The following DYNC1I1 variants were observed in gnomAD, a reference collection of about 807,000 sequenced individuals.
DYNC1I1 encodes dynein cytoplasmic 1 intermediate chain 1, also known as cytoplasmic dynein 1 intermediate chain 1.
A neutral mutation model predicts 86.6 loss-of-function variants in DYNC1I1; 43 were observed. That is an observed-to-expected ratio of 0.50 (90% confidence interval 0.39 to 0.64). The LOEUF (loss-of-function observed/expected upper bound fraction) is 0.64, where lower values mean the gene tolerates loss of function less well. DYNC1I1 is among the 30% of genes least tolerant of loss of function. The probability of loss-of-function intolerance (pLI) is 0.00; values close to 1 mark genes in which losing one functional copy is unlikely to be tolerated. For missense variants in DYNC1I1, 604 were observed against 788.8 expected, an observed-to-expected ratio of 0.77 and a Z score of 2.81; for synonymous variants, 262 against 283.7, an observed-to-expected ratio of 0.92 and a Z score of 0.77.
At chr7:95,936,954 T>TCACACACACACACACACACACACACA (rs1491214381) in intron 6 of DYNC1I1, among the ~76,000 whole-genome samples, 4 of 32,502 alleles carry the variant, frequency 1.2e-4, no homozygotes, top group Admixed American at 4.0e-4. Flanking sequence ...AAAGAATATG[T>TCACACACACACACACACACACACACA]CTCACACACA....
rs1168904872 is a variant in DYNC1I1, at chr7:96,097,723, C to T, written c.*130C>T. The T allele has an allele frequency of 3.5e-6, 5 of 1,430,726 alleles. No homozygotes were observed. The highest frequency in any genetic ancestry group is 4.6e-6 in the Non-Finnish European group (5 of 1,083,190). 88.6% of individuals were successfully genotyped at this position (1,430,726 alleles called of 1,614,324 possible). A position where few individuals can be genotyped will look rare whatever the true frequency, so the allele number is the denominator to read the frequency against. On this transcript the variant is annotated 3_prime_UTR_variant, in exon 17 of 17. Coordinates refer to ENST00000447467, the MANE Select transcript of DYNC1I1 (RefSeq NM_001135556.2). Reference sequence around the variant, plus strand: ...GTGATATTTTGGGTGCCATATTGTGCCAGCTTTGCTCCAAGTATTCTAAAT... The same window carrying T: ...GTGATATTTTGGGTGCCATATTGTGTCAGCTTTGCTCCAAGTATTCTAAAT...
At chr7:95,846,671 A>T (rs1292731247) in intron 5 of DYNC1I1, among the ~76,000 whole-genome samples, 1 of 43,782 alleles carries the variant, frequency 2.3e-5, no homozygotes, top group Non-Finnish European at 9.0e-5. Context: ...GTGTGTGACG[A>T]AGGGGGCCAC....
intron 6 of DYNC1I1, among the ~76,000 whole-genome samples, chr7:95,975,552 C>A (rs1158144240): frequency 6.6e-6 from 1 of 152,176 alleles, no homozygotes; most frequent in Non-Finnish European, 1.5e-5. Context: ...AGGTGCCCTA[C>A]TCCATTATAA....
intron 4 of DYNC1I1, among the ~76,000 whole-genome samples, chr7:95,819,823 A>G (rs995579598): frequency 6.6e-6 from 1 of 152,170 alleles, no homozygotes; most frequent in East Asian, 1.9e-4. Context: ...ATGCAGCACA[A>G]TAAGTTCAAA....
At chr7:95,925,138 G>A (rs138699682) in intron 6 of DYNC1I1, among the ~76,000 whole-genome samples, 3 of 152,128 alleles carry the variant, frequency 2.0e-5, no homozygotes, top group East Asian at 1.9e-4. Context: ...CTCTAAACTC[G>A]TTCATTACCA....
chr7:95,787,685 C>T (rs1794185760), intron 1 of DYNC1I1, among the ~76,000 whole-genome samples: 1 of 152,098 alleles, frequency 6.6e-6, no homozygotes, highest in Non-Finnish European at 1.5e-5. Context: ...ACAATATGGA[C>T]AAAATCTATG....
At chr7:95,974,091 C>CA (rs1211712858) in intron 6 of DYNC1I1, among the ~76,000 whole-genome samples, 1 of 152,178 alleles carries the variant, frequency 6.6e-6, no homozygotes, top group East Asian at 1.9e-4. Context: ...CTCATTGTGG[C>CA]CTTGGTGGAC....
chr7:95,948,765 A>G (rs1792472502), intron 6 of DYNC1I1, among the ~76,000 whole-genome samples: 1 of 152,138 alleles, frequency 6.6e-6, no homozygotes, highest in Non-Finnish European at 1.5e-5. Flanking sequence ...AAGTGGGCAT[A>G]CTTTGACCCA....
intron 6 of DYNC1I1, among the ~76,000 whole-genome samples, chr7:95,954,915 CAAAAAAAAAAA>C (rs58435060): frequency 6.1e-5 from 5 of 81,876 alleles, no homozygotes; most frequent in Non-Finnish European, 6.7e-5. Flanking sequence ...GACTCTGTCT[CAAAAAAAAAAA>C]AAAAAAAAAA....
chr7:95,960,736 T>A (rs1792845083), intron 6 of DYNC1I1, among the ~76,000 whole-genome samples: 1 of 152,158 alleles, frequency 6.6e-6, no homozygotes, highest in African/African-American at 2.4e-5. Context: ...GGACAATAGT[T>A]GATACCGTGC....
chr7:96,064,221 TCTCTC>T (rs1390746791), intron 14 of DYNC1I1, among the ~76,000 whole-genome samples: 4 of 88,002 alleles, frequency 4.5e-5, no homozygotes, highest in Non-Finnish European at 9.6e-5. Context: ...TCTCTCTCTC[TCTCTC>T]TCTCTCTCTC....
At chr7:95,880,771 G>A (rs866681097) in intron 6 of DYNC1I1, among the ~76,000 whole-genome samples, 2 of 150,178 alleles carry the variant, frequency 1.3e-5, no homozygotes, top group Non-Finnish European at 3.0e-5. Flanking sequence ...TCAGCCTCCC[G>A]AGTAGCTGGG....
chr7:95,996,501 T>C (rs1793871558), intron 10 of DYNC1I1, among the ~76,000 whole-genome samples: 1 of 152,244 alleles, frequency 6.6e-6, no homozygotes, highest in South Asian at 2.1e-4. Flanking sequence ...GGCGCCATAC[T>C]ACTTAACAGA....
chr7:95,851,423 C>T (rs1368335557), intron 5 of DYNC1I1, among the ~76,000 whole-genome samples: 6 of 152,080 alleles, frequency 3.9e-5, no homozygotes, highest in Non-Finnish European at 7.4e-5. Flanking sequence ...TTGTTTATTT[C>T]TGGAATTTTG....
intron 5 of DYNC1I1, among the ~76,000 whole-genome samples, chr7:95,851,323 G>A (rs1409029116): frequency 1.3e-5 from 2 of 152,180 alleles, no homozygotes; most frequent in African/African-American, 2.4e-5. Context: ...GCTGGACAAA[G>A]GGATGATTGA....
intron 6 of DYNC1I1, among the ~76,000 whole-genome samples, chr7:95,971,167 G>A (rs1387284298): frequency 6.6e-6 from 1 of 152,150 alleles, no homozygotes; most frequent in Non-Finnish European, 1.5e-5. Context: ...GAACCTAGAA[G>A]GGATATCTTG....
chr7:95,995,412 G>C (rs1793841515), intron 9 of DYNC1I1, among the ~76,000 whole-genome samples: 1 of 152,132 alleles, frequency 6.6e-6, no homozygotes, highest in Admixed American at 6.5e-5. Flanking sequence ...CAATTGATGG[G>C]TCTATGGACA....
At chr7:95,933,520 T>C (rs1358223472) in intron 6 of DYNC1I1, among the ~76,000 whole-genome samples, 1 of 152,238 alleles carries the variant, frequency 6.6e-6, no homozygotes, top group Non-Finnish European at 1.5e-5. Context: ...AGAGTAATAA[T>C]TGATGCTCAC....
intron 1 of DYNC1I1, among the ~76,000 whole-genome samples, chr7:95,796,224 CAGTT>C (rs141456554): frequency 0.045 from 6,873 of 152,260 alleles, 216 homozygotes; most frequent in Non-Finnish European, 0.065. Context: ...AGTGGCTTCT[CAGTT>C]AGTCTTCCTT....
Sources: gnomAD v4.1 joint callset for allele counts (sites outside exome capture counted in the v4.1 genomes callset) on GRCh38, gnomAD v4.1.1 for gene constraint, MANE v1.5 for transcripts, NCBI Gene and HGNC (gene_info 2026-07-23, HGNC 2026-07-21) for gene names.